KDM3B: variants seen among roughly 807,000 people sequenced by gnomAD.
The protein encoded by KDM3B is lysine demethylase 3B.
In KDM3B, 10 loss-of-function variants were observed where a neutral mutation model predicts 170.0. The ratio of observed to expected loss-of-function variants is 0.06; its 90% confidence interval spans 0.04 to 0.10. The LOEUF is 0.10. Among genes scored for constraint, KDM3B ranks in the 10% least tolerant of loss-of-function variants. The pLI is 1.00. For missense variants in KDM3B, 1,394 were observed against 2,195.2 expected (o/e 0.64, Z 7.29); for synonymous variants, 831 against 834.8 (o/e 1.00, Z 0.08).
In KDM3B at chr5:138,398,254, A is replaced by C; in HGVS notation, c.2908A>C (p.Asn970His). 6.2e-7 allele frequency: 1 copy of C among 1,614,146 alleles called. No individual in the cohort carries two copies. The highest frequency in any genetic ancestry group is 8.5e-7 in the Non-Finnish European group (1 of 1,180,026). The change falls in exon 10 of 24, where the codon AAC (asparagine) becomes CAC (histidine). Residue 970 changes from asparagine (N) to histidine (H), a missense_variant. By Grantham distance (68) the Asn-to-His change is moderately conservative. Transcript: ENST00000314358. ...SPQQSDPDAM[N>H]LWIPSSSLAE... ...CCAGCAAAGTGACCCTGATGCCATG[A>C]ACCTGTGGATTCCCTCTTCCTCCCT... is the stretch of plus-strand genomic sequence containing the variant.
intron 1 of KDM3B, among the ~76,000 whole-genome samples, chr5:138,363,133 A>ACTTG (rs1300109364): frequency 2.6e-5 from 4 of 151,808 alleles, no homozygotes; most frequent in African/African-American, 9.7e-5. Context: ...CATCCTCCAC[A>ACTTG]CTTGCTTATC....
intron 7 of KDM3B, among the ~76,000 whole-genome samples, chr5:138,389,950 C>T (rs1762387077): frequency 6.6e-6 from 1 of 152,070 alleles, no homozygotes; most frequent in African/African-American, 2.4e-5. Flanking sequence ...ACCTCCGCCT[C>T]CTGGGTTCAA....
Position 138,415,178 on chromosome 5 carries a change from T to C in KDM3B, c.3246T>C (p.Cys1082=). Residue 1082 remains cysteine (C), a synonymous_variant, in exon 12 of 24, where the codon TGT becomes TGC. Coordinates refer to ENST00000314358, the MANE Select transcript of KDM3B (RefSeq NM_016604.4). ...GDEEVFSWLK[C]AKGQSHEPEN... ...AAGAAGTTTTCTCCTGGTTGAAGTG[T>C]GCAAAGGGACAGTCCCACGAACCAG... The C allele has an allele frequency of 6.2e-7, 1 of 1,611,122 alleles. No homozygotes were observed. The highest frequency in any genetic ancestry group is 2.2e-5 in the East Asian group (1 of 44,866).
chr5:138,361,528 A>G (rs866818415), intron 1 of KDM3B, among the ~76,000 whole-genome samples: 1 of 152,150 alleles, frequency 6.6e-6, no homozygotes, highest in African/African-American at 2.4e-5. Context: ...CCAAATTACT[A>G]TAAGAAGGGT....
intron 11 of KDM3B, among the ~76,000 whole-genome samples, chr5:138,410,557 G>A (rs916419016): frequency 3.3e-5 from 5 of 152,110 alleles, no homozygotes; most frequent in African/African-American, 7.2e-5. Flanking sequence ...CGTGTGCGGC[G>A]ACAAGAGAGT....
At chr5:138,387,420 A>G (rs1762298222) in intron 7 of KDM3B, among the ~76,000 whole-genome samples, 1 of 152,150 alleles carries the variant, frequency 6.6e-6, no homozygotes, top group Non-Finnish European at 1.5e-5. Flanking sequence ...ATGCTTAATG[A>G]TTTTTAAAAA....
At chr5:138,434,970 C>G (rs1287555232) in intron 23 of KDM3B, among the ~76,000 whole-genome samples, 1 of 152,122 alleles carries the variant, frequency 6.6e-6, no homozygotes, top group Non-Finnish European at 1.5e-5. Flanking sequence ...TTTGCATTTC[C>G]CCGCTTTTCC....
chr5:138,356,736 G>A (rs1761458955), intron 1 of KDM3B, among the ~76,000 whole-genome samples: 1 of 146,210 alleles, frequency 6.8e-6, no homozygotes, highest in Non-Finnish European at 1.5e-5. Flanking sequence ...TCTGCCTCCC[G>A]GGTTCAAGCG....
intron 11 of KDM3B, among the ~76,000 whole-genome samples, chr5:138,414,335 T>A (rs888121410): frequency 1.3e-5 from 2 of 152,032 alleles, no homozygotes; most frequent in Non-Finnish European, 2.9e-5. Context: ...CTGGCTAATT[T>A]TTTGTATTTT....
intron 19 of KDM3B, 23 bp from the exon 20 acceptor site, chr5:138,427,944 G>A: frequency 1.2e-6 from 2 of 1,608,368 alleles, no homozygotes; most frequent in Non-Finnish European, 1.7e-6. Context: ...CCTTCACCTT[G>A]CATATTTTCC....
intron 1 of KDM3B, among the ~76,000 whole-genome samples, chr5:138,366,023 A>T (rs1282712902): frequency 6.6e-6 from 1 of 152,014 alleles, no homozygotes; most frequent in Non-Finnish European, 1.5e-5. Flanking sequence ...AAATCTTTTT[A>T]AAAAAGGAAA....
chr5:138,370,806 G>A (rs997857719), intron 1 of KDM3B, among the ~76,000 whole-genome samples: 2 of 150,960 alleles, frequency 1.3e-5, no homozygotes, highest in African/African-American at 4.9e-5. Flanking sequence ...TTTCATGTGA[G>A]TTTGTTTTTT....
chr5:138,399,089 C>G (rs903629454), intron 10 of KDM3B, among the ~76,000 whole-genome samples: 1 of 151,074 alleles, frequency 6.6e-6, no homozygotes, highest in Non-Finnish European at 1.5e-5. Context: ...AGCGTTTCGC[C>G]GTGTTAGCCA....
At chr5:138,357,131 CAT>C (rs1446163040) in intron 1 of KDM3B, among the ~76,000 whole-genome samples, 1 of 152,074 alleles carries the variant, frequency 6.6e-6, no homozygotes, top group East Asian at 1.9e-4. Flanking sequence ...GGACTACAGG[CAT>C]GCGCCACCGG....
Position 138,400,598 on chromosome 5 carries a change from T to C in KDM3B, c.3199+586T>C, listed in dbSNP as rs574690306. On this transcript the variant is annotated intron_variant, in intron 11 of 23. Coordinates refer to ENST00000314358, the MANE Select transcript of KDM3B (RefSeq NM_016604.4). ...CCATCTCTACAAAATAAAATAAAATTAGCTAGCTAGATATGGTGGCACATG... is the reference window on the plus strand; with the variant it reads ...CCATCTCTACAAAATAAAATAAAATCAGCTAGCTAGATATGGTGGCACATG... Among the ~76,000 whole-genome samples, 4 of 151,982 alleles carry C rather than the reference T, an allele frequency of 2.6e-5. No homozygotes were observed. In the East Asian group the frequency reaches 7.7e-4, roughly 29 times the overall value.
intron 9 of KDM3B, among the ~76,000 whole-genome samples, chr5:138,396,922 A>G (rs1762562004): frequency 6.6e-6 from 1 of 152,222 alleles, no homozygotes; most frequent in South Asian, 2.1e-4. Flanking sequence ...ACAGTGGCTT[A>G]TGCCTATAAT....
At chr5:138,393,652 T>C in intron 9 of KDM3B, among the ~76,000 whole-genome samples, 1 of 152,212 alleles carries the variant, frequency 6.6e-6, no homozygotes, top group East Asian at 1.9e-4. Flanking sequence ...TGGTTCTATT[T>C]GAAACCACTA....
intron 10 of KDM3B, 82 bp from the exon 11 acceptor site, chr5:138,399,778 C>T (rs572085165): frequency 2.9e-5 from 38 of 1,298,394 alleles, no homozygotes; most frequent in Non-Finnish European, 4.0e-5. Context: ...AACAAAATAG[C>T]TTGAGTAGGG....
In KDM3B at chr5:138,371,610, G is replaced by T. The variant is rs1761877920; in HGVS notation, c.193-1064G>T. 1.3e-5 allele frequency among the ~76,000 whole-genome samples: 2 copies of T among 152,096 alleles called. 1 individual carries two copies. Among genetic ancestry groups the T allele is most frequent in the Admixed American group, 1.3e-4 (2 of 15,256 alleles). Reference sequence around the variant, plus strand: ...TCTGTTCAGGGAAGAAGAAAGCATTGTTGTGACTACAGCAAGTGTCTGCTA... The same window carrying T: ...TCTGTTCAGGGAAGAAGAAAGCATTTTTGTGACTACAGCAAGTGTCTGCTA... On this transcript the variant is annotated intron_variant, in intron 1 of 23. Coordinates refer to ENST00000314358, the MANE Select transcript of KDM3B (RefSeq NM_016604.4).
Sources: gnomAD v4.1 joint callset for allele counts (sites outside exome capture counted in the v4.1 genomes callset) on GRCh38, gnomAD v4.1.1 for gene constraint, MANE v1.5 for transcripts, NCBI Gene and HGNC (gene_info 2026-07-23, HGNC 2026-07-21) for gene names.